The following NOTCH1 variants were observed in gnomAD, a reference collection of about 807,000 sequenced individuals.
The protein encoded by NOTCH1 is neurogenic locus notch homolog protein 1.
A neutral mutation model predicts 254.8 loss-of-function variants in NOTCH1; 37 were observed. The observed-to-expected ratio is 0.15, with a 90% CI of 0.11 to 0.19. NOTCH1 has a LOEUF of 0.19. Ranked by LOEUF, NOTCH1 falls within the 10% of genes least tolerant of loss-of-function variation. The pLI is 1.00. For synonymous variants in NOTCH1, 1,731 were observed against 1,618.1 expected (o/e 1.07, Z -1.68); for missense variants, 2,972 against 3,708.6 (o/e 0.80, Z 5.16).
At chr9:136,501,190 G>A (rs1842989578) in intron 30 of NOTCH1, among the ~76,000 whole-genome samples, 1 of 152,220 alleles carries the variant, frequency 6.6e-6, no homozygotes, top group Admixed American at 6.5e-5. Flanking sequence ...TCCTAGCACT[G>A]GGGGAGGCCG....
intron 4 of NOTCH1, among the ~76,000 whole-genome samples, chr9:136,522,417 C>T (rs1843386274): frequency 6.6e-6 from 1 of 152,170 alleles, no homozygotes; most frequent in Non-Finnish European, 1.5e-5. Flanking sequence ...GCTGCGCCTA[C>T]CTGTCACCCA....
At chr9:136,508,843 G>A (rs191420368) in intron 19 of NOTCH1, 27 bp downstream of exon 19, 783 of 1,531,864 alleles carry the variant, frequency 5.1e-4, no homozygotes, top group Non-Finnish European at 6.5e-4. Flanking sequence ...CCCCTCCTTC[G>A]GGCACCTCTG....
At position 136,506,172 on chromosome 9, in the gene NOTCH1, T is replaced by C. The variant is rs1047983190; in HGVS notation, c.4015-291A>G. ...CGAGGGTGGGCAGGCATGTCATACC[T>C]CAGCCCAAACCCACAACCACAAAGC... On this transcript the variant is annotated intron_variant, in intron 24 of 33. Coordinates refer to ENST00000651671, the MANE Select transcript of NOTCH1 (RefSeq NM_017617.5). The surrounding 1 kb of genome is among the most constrained non-coding windows in gnomAD (Gnocchi z 4.5). Among the ~76,000 whole-genome samples, 2 of 151,990 alleles carry C rather than the reference T, an allele frequency of 1.3e-5. No homozygotes were observed. Among genetic ancestry groups the C allele is most frequent in the Admixed American group, 1.3e-4 (2 of 15,252 alleles).
chr9:136,528,395 G>GGGGGATGGGCAGGGACAGTGA (rs1843503638), intron 2 of NOTCH1, among the ~76,000 whole-genome samples: 1 of 105,058 alleles, frequency 9.5e-6, no homozygotes. Flanking sequence ...GGGACAGTGG[G>GGGGGATGGGCAGGGACAGTGA]GGGGGATGGG....
Position 136,499,178 on chromosome 9 carries a change from C to G in NOTCH1, c.6016G>C (p.Ala2006Pro), listed in dbSNP as rs1842960512. Residue 2006 changes from alanine (A) to proline (P), a missense_variant, in exon 32 of 34, where the codon GCC becomes CCC. By Grantham distance (27) the Ala-to-Pro change is conservative. Around this residue, in one of 8 missense-constraint regions of NOTCH1, gnomAD observed 421 missense variants for 604.4 expected, o/e 0.70. Coordinates refer to ENST00000651671, the MANE Select transcript of NOTCH1 (RefSeq NM_017617.5). Reference sequence around the variant, plus strand: ...AGGTCCTCCAGCATGCCCTCCACGGCCAGGCGGGCAGCCAGGATCAGTGGC... The same window carrying G: ...AGGTCCTCCAGCATGCCCTCCACGGGCAGGCGGGCAGCCAGGATCAGTGGC... ...TTPLILAARL[A>P]VEGMLEDLIN... is the part of the protein sequence containing the mutation. 6.2e-7 allele frequency: 1 copy of G among 1,613,380 alleles called. No individual in the cohort carries two copies. The highest frequency in any genetic ancestry group is 8.5e-7 in the Non-Finnish European group (1 of 1,180,006).
At chr9:136,520,926 C>T (rs183963640) in intron 4 of NOTCH1, among the ~76,000 whole-genome samples, 2 of 152,198 alleles carry the variant, frequency 1.3e-5, no homozygotes, top group South Asian at 2.1e-4. Context: ...TGGACCCCAG[C>T]TGGACCCTCT....
chr9:136,531,722 G>A (rs1395245286), intron 2 of NOTCH1, among the ~76,000 whole-genome samples: 1 of 152,232 alleles, frequency 6.6e-6, no homozygotes, highest in Non-Finnish European at 1.5e-5. Flanking sequence ...GCTGCCGGAG[G>A]AGCACTCCTG....
At chr9:136,528,392 TGGG>T (rs1327834732) in intron 2 of NOTCH1, among the ~76,000 whole-genome samples, 36 of 16,748 alleles carry the variant, frequency 2.1e-3, no homozygotes, top group East Asian at 5.2e-3. Context: ...GCAGGGACAG[TGGG>T]GGGGGATGGG....
At chr9:136,514,112 C>T (rs1361675303) in intron 13 of NOTCH1, among the ~76,000 whole-genome samples, 4 of 152,212 alleles carry the variant, frequency 2.6e-5, no homozygotes, top group South Asian at 2.1e-4. Context: ...TGTGTGGCCC[C>T]GAACAAAGCA....
Position 136,506,487 on chromosome 9 carries a change from C to T in NOTCH1, c.4014+40G>A, listed in dbSNP as rs1247575680. ...CCCACGTGGACCTCTCCAGGTGTCT[C>T]CCCTGGCGGGCCCCTGCCTCCCTGC... On this transcript the variant is annotated intron_variant, in intron 24 of 33. Transcript: ENST00000651671. This position sits in a 1 kb window ranked among gnomAD's most constrained non-coding sequence, Gnocchi z 4.5. The T allele has an allele frequency of 1.0e-5, 16 of 1,540,452 alleles. No homozygotes were observed. The highest frequency in any genetic ancestry group is 1.4e-5 in the Non-Finnish European group (16 of 1,140,156).
rs764185451 is a variant in NOTCH1, at chr9:136,516,014, C to T, written c.1636G>A (p.Gly546Arg). The T allele has an allele frequency of 6.8e-6, 11 of 1,612,002 alleles. No homozygotes were observed. The highest frequency in any genetic ancestry group is 6.8e-6 in the Non-Finnish European group (8 of 1,179,828). Reference protein sequence around the residue: ...PCKNGAKCLDGPNTYTCVCTE... With the variant: ...PCKNGAKCLDRPNTYTCVCTE... Reference sequence around the variant, plus strand: ...CACACACAGGTGTAAGTGTTGGGTCCGTCCAGGCACTTGGCACCATTCTTG... The same window carrying T: ...CACACACAGGTGTAAGTGTTGGGTCTGTCCAGGCACTTGGCACCATTCTTG... Residue 546 changes from glycine (G) to arginine (R), a missense_variant, in exon 10 of 34, where the codon GGA (glycine) becomes AGA (arginine). Gly to Arg is a moderately radical substitution (Grantham distance 125). Coordinates refer to ENST00000651671, the MANE Select transcript of NOTCH1 (RefSeq NM_017617.5).
chr9:136,533,430 C>T (rs1039081200), intron 2 of NOTCH1, among the ~76,000 whole-genome samples: 1 of 152,234 alleles, frequency 6.6e-6, no homozygotes, highest in Non-Finnish European at 1.5e-5. Context: ...CAGCTGAAAC[C>T]GAGCGGAACT....
intron 2 of NOTCH1, among the ~76,000 whole-genome samples, chr9:136,525,249 A>AG (rs955046140): frequency 6.6e-6 from 1 of 152,140 alleles, no homozygotes; most frequent in African/African-American, 2.4e-5. Flanking sequence ...AGAGAGAACA[A>AG]GGGGAGCCAG....
chr9:136,522,447 G>C (rs1486669766), intron 4 of NOTCH1, among the ~76,000 whole-genome samples: 1 of 152,236 alleles, frequency 6.6e-6, no homozygotes, highest in Non-Finnish European at 1.5e-5. Context: ...GAGACCAGCA[G>C]GATGGCAGGA....
At chr9:136,502,225 T>C (rs1216094409) in intron 28 of NOTCH1, 47 bp downstream of exon 28, 2 of 1,534,278 alleles carry the variant, frequency 1.3e-6, no homozygotes, top group Non-Finnish European at 1.8e-6. Context: ...CTCGGCCAGG[T>C]CCCACCTCCC....
At position 136,506,798 on chromosome 9, in the gene NOTCH1, G is replaced by C. The variant is rs2133343514; in HGVS notation, c.3819C>G (p.Ser1273=). The change falls in exon 23 of 34, where the codon TCC becomes TCG. Residue 1273 remains serine (S), a synonymous_variant. Transcript: ENST00000651671. This position sits in a 1 kb window ranked among gnomAD's most constrained non-coding sequence, Gnocchi z 4.5. The stretch of plus-strand genomic sequence containing the variant: ...GGGTGCCACGGGCGTCGCAGGGATT[G>C]GACAGGCACTCGTTGACATCCCCCT... ...RCEGDVNECL[S]NPCDARGTQN... 5 of 1,611,722 alleles carry C rather than the reference G, an allele frequency of 3.1e-6. No individual in the cohort carries two copies. Among genetic ancestry groups the C allele is most frequent in the Non-Finnish European group, 4.2e-6 (5 of 1,179,454 alleles).
Position 136,507,015 on chromosome 9 carries a change from C to A in NOTCH1, c.3644-42G>T, listed in dbSNP as rs1460561838. 3 of 1,585,374 alleles carry A rather than the reference C, an allele frequency of 1.9e-6. No individual in the cohort carries two copies. In the Admixed American group the frequency reaches 5.3e-5, roughly 28 times the overall value. On this transcript the variant is annotated intron_variant, in intron 22 of 33. Transcript: ENST00000651671. ...CGTCAGTGGCCCAAGCCCGCCACAC[C>A]CCGGCCCTGCCGTGCCGCGTGTCCG...
rs773981674 is a variant in NOTCH1, at chr9:136,502,463, C to T, written c.5193G>A (p.Pro1731=). 3.3e-5 allele frequency: 52 copies of T among 1,584,152 alleles called. No individual in the cohort carries two copies. The highest frequency in any genetic ancestry group is 6.9e-5 in the Admixed American group (4 of 57,606). ...CCACGTACATGAAGTGCAGCTGCGC[C>T]GGCGGGGGCGGCTCCACGGTCTCAC... ...VQSETVEPPP[P]AQLHFMYVAA... Residue 1731 remains proline, a synonymous_variant, in exon 28 of 34, where the codon CCG becomes CCA. Transcript: ENST00000651671.
intron 13 of NOTCH1, among the ~76,000 whole-genome samples, chr9:136,514,247 G>A (rs987233342): frequency 5.9e-5 from 9 of 152,336 alleles, no homozygotes; most frequent in African/African-American, 1.7e-4. Context: ...CCATGGAAAC[G>A]TGTTCCAGGG....
Sources: gnomAD v4.1 joint callset for allele counts (sites outside exome capture counted in the v4.1 genomes callset) on GRCh38, gnomAD v4.1.1 for gene constraint, gnomAD v4.1.1 regional missense constraint, Gnocchi (gnomAD v3.1) non-coding constraint, MANE v1.5 for transcripts, NCBI Gene and HGNC (gene_info 2026-07-23, HGNC 2026-07-21) for gene names.